ETFA: variants seen among roughly 807,000 people sequenced by gnomAD.
ETFA encodes the protein electron transfer flavoprotein subunit alpha.
Under a neutral mutation model 46.2 loss-of-function variants are expected in ETFA, and 22 were observed. The observed-to-expected ratio is 0.48, with a 90% CI of 0.34 to 0.68. The LOEUF is 0.68. ETFA is among the 30% of genes least tolerant of loss of function. ETFA has a pLI of 0.01. For synonymous variants in ETFA, 131 were observed against 139.9 expected (o/e 0.94, Z 0.45); for missense variants, 345 against 401.1 (o/e 0.86, Z 1.19).
rs752726045 is a variant in ETFA at position 76,216,220 on chromosome 15, C to CA, written c.*338dup. The stretch of plus-strand genomic sequence containing the variant: ...TAGAGCTCTCCATGAACAAGAAAGG[C>CA]AAAAAAATAAATAAATAAACAAAAT... On this transcript the variant is annotated 3_prime_UTR_variant, in exon 12 of 12. Coordinates refer to ENST00000557943, the MANE Select transcript of ETFA (RefSeq NM_000126.4). The CA allele has an allele frequency of 4.4e-6, 1 of 225,686 alleles. No individual in the cohort carries two copies. Among genetic ancestry groups the CA allele is most frequent in the Non-Finnish European group, 8.5e-6 (1 of 117,562 alleles). The allele number at this position is 225,686 out of a possible 1,614,324, so 14.0% of individuals were successfully genotyped here.
intron 11 of ETFA, among the ~76,000 whole-genome samples, chr15:76,223,237 A>T (rs2460147): frequency 0.025 from 920 of 36,856 alleles, 13 homozygotes; most frequent in African/African-American, 0.043. Context: ...TTTTTTTTTG[A>T]GACAGAGTCT....
chr15:76,288,317 A>T (rs535706385), intron 4 of ETFA, among the ~76,000 whole-genome samples: 1 of 152,366 alleles, frequency 6.6e-6, no homozygotes, highest in African/African-American at 2.4e-5. Flanking sequence ...AAATTCTCAA[A>T]TACTGAAAAA....
chr15:76,262,507 G>T (rs1186714764), intron 9 of ETFA, among the ~76,000 whole-genome samples: 4 of 106,718 alleles, frequency 3.7e-5, no homozygotes, highest in Non-Finnish European at 3.6e-5. Flanking sequence ...TTTTGAGAAG[G>T]TGTCTCGCTC....
intron 9 of ETFA, chr15:76,259,681 C>T (rs1421826398): frequency 9.4e-7 from 1 of 1,068,546 alleles, no homozygotes. Flanking sequence ...TGTAGATCTT[C>T]CAGGAGAGTC....
At chr15:76,293,398 C>T (rs1266652212) in intron 2 of ETFA, among the ~76,000 whole-genome samples, 1 of 152,210 alleles carries the variant, frequency 6.6e-6, no homozygotes, top group Non-Finnish European at 1.5e-5. Flanking sequence ...AAATGAAGTT[C>T]TCTAGTAACA....
intron 9 of ETFA, among the ~76,000 whole-genome samples, chr15:76,271,169 C>CAAAAA (rs35403723): frequency 1.7e-5 from 1 of 57,536 alleles, no homozygotes; most frequent in Non-Finnish European, 4.0e-5. Context: ...GACTATGTCT[C>CAAAAA]AAAAAAAAAA....
intron 9 of ETFA, among the ~76,000 whole-genome samples, chr15:76,273,059 G>A (rs1036203013): frequency 1.3e-5 from 2 of 151,978 alleles, no homozygotes; most frequent in African/African-American, 4.8e-5. Context: ...AGCATAAGAA[G>A]AAAGACTGGT....
At chr15:76,271,245 T>C (rs2039528156) in intron 9 of ETFA, among the ~76,000 whole-genome samples, 3 of 151,460 alleles carry the variant, frequency 2.0e-5, no homozygotes, top group Non-Finnish European at 4.4e-5. Context: ...ATATAAAATA[T>C]GTATTACAAT....
In ETFA at chr15:76,258,406, C is replaced by T. The variant is rs1297414990; in HGVS notation, c.816+16006G>A. Among the ~76,000 whole-genome samples the T allele has an allele frequency of 2.0e-5, 3 of 152,170 alleles. No individual in the cohort carries two copies. In the East Asian group the frequency reaches 5.8e-4, roughly 29 times the overall value. ...CAGCTGCAGGGAAGCATCCTCCCCT[C>T]AACTTCTCCTGGCCTAGACAGGGTA... On this transcript the variant is annotated intron_variant, in intron 9 of 11. Transcript: ENST00000557943.
At chr15:76,289,504 T>C (rs2039737257) in intron 4 of ETFA, among the ~76,000 whole-genome samples, 1 of 152,206 alleles carries the variant, frequency 6.6e-6, no homozygotes, top group African/African-American at 2.4e-5. Context: ...AATTTTACCA[T>C]GGTACTTAAA....
chr15:76,272,278 T>C (rs1328571092), intron 9 of ETFA, among the ~76,000 whole-genome samples: 1 of 151,196 alleles, frequency 6.6e-6, no homozygotes, highest in Non-Finnish European at 1.5e-5. Flanking sequence ...TGGAGTGCAG[T>C]GGCACAATCT....
intron 8 of ETFA, among the ~76,000 whole-genome samples, chr15:76,282,812 C>A (rs976238153): frequency 4.6e-5 from 7 of 152,058 alleles, no homozygotes; most frequent in African/African-American, 1.7e-4. Context: ...CAAAAATAAT[C>A]AAATGTCTTT....
chr15:76,224,853 G>A (rs181869065), intron 11 of ETFA, among the ~76,000 whole-genome samples: 193 of 152,326 alleles, frequency 1.3e-3, no homozygotes, highest in Non-Finnish European at 2.2e-3. Flanking sequence ...CCACGCATGA[G>A]TCATGACCTT....
At chr15:76,274,297 G>A (rs952382096) in intron 9 of ETFA, 115 bp downstream of exon 9, 4 of 823,350 alleles carry the variant, frequency 4.9e-6, no homozygotes, top group Non-Finnish European at 6.2e-6. Flanking sequence ...CCATGGTACT[G>A]GCTAACTGCT....
chr15:76,216,953 C>T (rs1327233132), intron 11 of ETFA, among the ~76,000 whole-genome samples: 2 of 149,098 alleles, frequency 1.3e-5, no homozygotes, highest in East Asian at 3.9e-4. Context: ...TCAATCACTC[C>T]TCCCACCTCA....
chr15:76,291,688 C>T (rs1425443900), intron 4 of ETFA, among the ~76,000 whole-genome samples: 3 of 151,290 alleles, frequency 2.0e-5, no homozygotes, highest in Admixed American at 2.0e-4. Flanking sequence ...GGGGCGGAGC[C>T]TGCAGTGAGC....
At chr15:76,287,658 C>T (rs1021440838) in intron 5 of ETFA, 188 bp downstream of exon 5, 16 of 530,882 alleles carry the variant, frequency 3.0e-5, no homozygotes, top group Non-Finnish European at 5.1e-5. Context: ...TCTGTGTTTG[C>T]GATCCATCAG....
At chr15:76,225,536 G>A (rs56233972) in intron 11 of ETFA, among the ~76,000 whole-genome samples, 9,604 of 152,114 alleles carry the variant, frequency 0.063, 353 homozygotes, top group Middle Eastern at 0.12. Flanking sequence ...TGATCCGCCC[G>A]CCTCCGCCTC....
intron 1 of ETFA, among the ~76,000 whole-genome samples, chr15:76,298,778 A>T (rs868301310): frequency 1.3e-4 from 19 of 148,348 alleles, no homozygotes; most frequent in Middle Eastern, 3.5e-3. Flanking sequence ...TCTTGTGCTT[A>T]AAAAAAAAAA....
Sources: gnomAD v4.1 joint callset for allele counts (sites outside exome capture counted in the v4.1 genomes callset) on GRCh38, gnomAD v4.1.1 for gene constraint, MANE v1.5 for transcripts, NCBI Gene and HGNC (gene_info 2026-07-23, HGNC 2026-07-21) for gene names.